The following TNNI3K variants were observed in gnomAD, a reference collection of about 807,000 sequenced individuals.
TNNI3K encodes the protein serine/threonine-protein kinase TNNI3K.
In TNNI3K, 140 loss-of-function variants were observed where a neutral mutation model predicts 114.5. The observed-to-expected ratio is 1.22, with a 90% confidence interval of 1.07 to 1.41. The LOEUF is 1.41. Among genes scored for constraint, TNNI3K ranks in the 40% most tolerant of loss-of-function variants. The pLI, the probability that TNNI3K is intolerant of heterozygous loss-of-function variation, is 0.00. For missense variants in TNNI3K, 1,125 were observed against 1,007.6 expected (o/e 1.12, Z -1.58); for synonymous variants, 347 against 347.5 (o/e 1.00, Z 0.02).
intron 5 of TNNI3K, among the ~76,000 whole-genome samples, chr1:74,323,825 G>A (rs911160281): frequency 7.2e-5 from 11 of 152,188 alleles, no homozygotes; most frequent in Admixed American, 3.9e-4. Context: ...AAGAATTACA[G>A]GAAACAAAGG....
At chr1:74,368,049 A>G (rs1662373536) in intron 13 of TNNI3K, 85 bp downstream of exon 13, 3 of 1,264,296 alleles carry the variant, frequency 2.4e-6, no homozygotes, top group Non-Finnish European at 2.1e-6. Flanking sequence ...TGTTTTACAT[A>G]TTACAAATGA....
At chr1:74,507,455 C>A (rs1428150070) in intron 23 of TNNI3K, among the ~76,000 whole-genome samples, 1 of 152,164 alleles carries the variant, frequency 6.6e-6, no homozygotes, top group Non-Finnish European at 1.5e-5. Flanking sequence ...CACGCACTTA[C>A]ACACAGAGTA....
chr1:74,535,387 T>C (rs1646647963), intron 23 of TNNI3K, among the ~76,000 whole-genome samples: 1 of 151,700 alleles, frequency 6.6e-6, no homozygotes, highest in African/African-American at 2.4e-5. Context: ...CAAGAATTGT[T>C]TGAGTGTGGG....
intron 23 of TNNI3K, among the ~76,000 whole-genome samples, chr1:74,521,999 T>A (rs528123742): frequency 6.6e-6 from 1 of 152,228 alleles, no homozygotes; most frequent in Admixed American, 6.5e-5. Flanking sequence ...GTAAAAAAAA[T>A]TCAGATGAGG....
At chr1:74,494,890 G>A (rs1437718767) in intron 23 of TNNI3K, among the ~76,000 whole-genome samples, 1 of 152,130 alleles carries the variant, frequency 6.6e-6, no homozygotes, top group African/African-American at 2.4e-5. Flanking sequence ...CAAAAATGTA[G>A]GCAAGTCACA....
chr1:74,235,633 A>G (rs1221264767), intron 1 of TNNI3K, 142 bp downstream of exon 1: 4 of 480,930 alleles, frequency 8.3e-6, no homozygotes, highest in Non-Finnish European at 1.5e-5. Flanking sequence ...TTGAAAAACT[A>G]TCTGAACTCA....
At chr1:74,424,505 G>A (rs1418473078) in intron 17 of TNNI3K, among the ~76,000 whole-genome samples, 1 of 151,998 alleles carries the variant, frequency 6.6e-6, no homozygotes, top group East Asian at 1.9e-4. Context: ...GACCACTTGA[G>A]GTCAGGAGTT....
chr1:74,245,431 T>C (rs912640535), intron 2 of TNNI3K, among the ~76,000 whole-genome samples: 2 of 152,302 alleles, frequency 1.3e-5, no homozygotes, highest in South Asian at 2.1e-4. Context: ...TCTCGACCTC[T>C]TGAGGTCCAC....
At chr1:74,281,710 T>C (rs540637384) in intron 5 of TNNI3K, among the ~76,000 whole-genome samples, 1 of 152,166 alleles carries the variant, frequency 6.6e-6, no homozygotes, top group Non-Finnish European at 1.5e-5. Flanking sequence ...TTTGTTATAG[T>C]GTGTGTATCC....
chr1:74,533,469 G>C (rs1452980290), intron 23 of TNNI3K, among the ~76,000 whole-genome samples: 1 of 152,120 alleles, frequency 6.6e-6, no homozygotes, highest in Non-Finnish European at 1.5e-5. Flanking sequence ...TGGTGGGACT[G>C]TAAACTAGTT....
At chr1:74,241,690 G>A (rs979946135) in intron 2 of TNNI3K, among the ~76,000 whole-genome samples, 4 of 152,078 alleles carry the variant, frequency 2.6e-5, no homozygotes, top group African/African-American at 9.7e-5. Context: ...TTTGTCAGAT[G>A]AGTAGATTGC....
intron 23 of TNNI3K, among the ~76,000 whole-genome samples, chr1:74,531,672 C>T (rs181764177): frequency 2.0e-5 from 3 of 152,280 alleles, no homozygotes; most frequent in African/African-American, 7.2e-5. Context: ...AGCTGTTTCT[C>T]CACCTTTTCT....
At chr1:74,483,129 A>G in intron 21 of TNNI3K, 3 of 496,334 alleles carry the variant, frequency 6.0e-6, no homozygotes, top group Non-Finnish European at 3.6e-6. Flanking sequence ...CTCTTTAGTC[A>G]TTGTATGAAG....
chr1:74,350,867 C>T (rs1163588973), intron 9 of TNNI3K, among the ~76,000 whole-genome samples: 16 of 152,010 alleles, frequency 1.1e-4, no homozygotes, highest in South Asian at 1.0e-3. Flanking sequence ...TGTCTCTGCA[C>T]GTGAGATGGG....
intron 24 of TNNI3K, among the ~76,000 whole-genome samples, chr1:74,541,360 T>G (rs750984959): frequency 1.3e-5 from 2 of 152,178 alleles, no homozygotes; most frequent in Non-Finnish European, 2.9e-5. Flanking sequence ...AAGGGAAATT[T>G]TGTGCTTCTG....
intron 17 of TNNI3K, chr1:74,373,914 A>T (rs955966338): frequency 1.3e-5 from 2 of 151,848 alleles, no homozygotes; most frequent in Non-Finnish European, 2.9e-5. Flanking sequence ...TCTGCAGGGG[A>T]TTGGTTCCAG....
Position 74,235,479 on chromosome 1 carries a change from C to A in TNNI3K, c.28C>A (p.Gln10Lys). The change falls in exon 1 of 25, where the codon CAA becomes AAA. Residue 10 changes from glutamine (Q) to lysine (K), a missense_variant. Coordinates refer to ENST00000326637, the MANE Select transcript of TNNI3K (RefSeq NM_015978.3). Reference sequence around the variant, plus strand: ...GGGAAATTATAAATCTAGACCAACCCAAACTTGTACTGGTAATTATTCTAA... The same window carrying A: ...GGGAAATTATAAATCTAGACCAACCAAAACTTGTACTGGTAATTATTCTAA... MGNYKSRPT[Q>K]TCTDEWKKKV... is the part of the protein sequence containing the mutation. The A allele has an allele frequency of 6.8e-7, 1 of 1,478,682 alleles. No individual in the cohort carries two copies. The highest frequency in any genetic ancestry group is 9.3e-7 in the Non-Finnish European group (1 of 1,074,710). The allele number at this position is 1,478,682 out of a possible 1,614,324, so 91.6% of individuals were successfully genotyped here. A position where few individuals can be genotyped will look rare whatever the true frequency, so the allele number is the denominator to read the frequency against.
chr1:74,519,595 AATTG>A (rs770215398), intron 23 of TNNI3K, among the ~76,000 whole-genome samples: 1 of 152,228 alleles, frequency 6.6e-6, no homozygotes, highest in Non-Finnish European at 1.5e-5. Flanking sequence ...GTAATTTTTG[AATTG>A]ATTTTTAAAC....
intron 5 of TNNI3K, among the ~76,000 whole-genome samples, chr1:74,322,568 C>A (rs1210304989): frequency 6.6e-6 from 1 of 150,572 alleles, no homozygotes; most frequent in South Asian, 2.1e-4. Context: ...TCAAGCAATT[C>A]TTCTGCTTCA....
Sources: allele counts gnomAD v4.1 joint callset (sites outside exome capture counted in the v4.1 genomes callset), GRCh38; gene constraint gnomAD v4.1.1; transcripts MANE v1.5; gene names NCBI Gene and HGNC (gene_info 2026-07-23, HGNC 2026-07-21).